Variants in LARP4B observed in about 807,000 individuals in gnomAD.
LARP4B encodes la-related protein 4B.
A neutral mutation model predicts 89.8 loss-of-function variants in LARP4B; 12 were observed. The observed-to-expected ratio is 0.13, with a 90% CI of 0.09 to 0.22. The LOEUF (loss-of-function observed/expected upper bound fraction) is 0.22, where lower values mean the gene tolerates loss of function less well. Among genes scored for constraint, LARP4B ranks in the 10% least tolerant of loss-of-function variants. The pLI is 1.00. For missense variants in LARP4B, 757 were observed against 947.7 expected, an observed-to-expected ratio of 0.80 and a Z score of 2.64; for synonymous variants, 367 against 363.3, an observed-to-expected ratio of 1.01 and a Z score of -0.12.
At chr10:972,331 C>G in the LARP4B span, 7 of 381,078 alleles carry the variant, frequency 1.8e-5, no homozygotes, top group South Asian at 1.2e-4. Flanking sequence ...CCCAGCCTCT[C>G]TCTGTCTCTT....
chr10:833,722 TCTA>T (rs1442155638), intron 8 of LARP4B, among the ~76,000 whole-genome samples: 3 of 152,074 alleles, frequency 2.0e-5, no homozygotes, highest in African/African-American at 7.2e-5. Flanking sequence ...AAACTCTGTC[TCTA>T]CTAAAAGTAC....
chr10:946,824 A>G, the LARP4B span, among the ~76,000 whole-genome samples: 1 of 152,164 alleles, frequency 6.6e-6, no homozygotes, highest in Non-Finnish European at 1.5e-5. Flanking sequence ...ACTTAAGTCA[A>G]AGGTGCCTGG....
chr10:929,392 C>T (rs1370177607), intron 1 of LARP4B, among the ~76,000 whole-genome samples: 2 of 152,136 alleles, frequency 1.3e-5, no homozygotes, highest in East Asian at 1.9e-4. Flanking sequence ...GCCAGGAGTT[C>T]GAGACCAGCC....
chr10:899,493 T>C (rs1363084175), intron 1 of LARP4B, among the ~76,000 whole-genome samples: 1 of 152,238 alleles, frequency 6.6e-6, no homozygotes, highest in Non-Finnish European at 1.5e-5. Flanking sequence ...ACAGTGATAC[T>C]GAGAACAGGA....
At chr10:970,205 C>T in the LARP4B span, among the ~76,000 whole-genome samples, 1 of 152,204 alleles carries the variant, frequency 6.6e-6, no homozygotes, top group African/African-American at 2.4e-5. Context: ...ATTTATACAG[C>T]TCAAGGACAG....
intron 14 of LARP4B, 117 bp from the exon 15 acceptor site, chr10:818,006 A>G (rs533294585): frequency 9.9e-7 from 1 of 1,015,228 alleles, no homozygotes; most frequent in Non-Finnish European, 1.4e-6. Context: ...CAACCCAGAC[A>G]AGGGCTTCCT....
At chr10:888,771 A>T (rs1029692949) in intron 1 of LARP4B, among the ~76,000 whole-genome samples, 3 of 152,226 alleles carry the variant, frequency 2.0e-5, no homozygotes, top group Non-Finnish European at 4.4e-5. Flanking sequence ...TCAAGGAATA[A>T]ATGTTTGCAA....
At chr10:892,394 T>C (rs1836055718) in intron 1 of LARP4B, among the ~76,000 whole-genome samples, 1 of 152,230 alleles carries the variant, frequency 6.6e-6, no homozygotes, top group Admixed American at 6.5e-5. Flanking sequence ...AAATTTCTTT[T>C]CATGTACACC....
chr10:974,253 T>C, the LARP4B span, among the ~76,000 whole-genome samples: 1 of 150,932 alleles, frequency 6.6e-6, no homozygotes, highest in African/African-American at 2.4e-5. Context: ...AGGTGCTTTG[T>C]CTACATGGCT....
At chr10:908,574 AC>A (rs1836564110) in intron 1 of LARP4B, among the ~76,000 whole-genome samples, 3 of 152,146 alleles carry the variant, frequency 2.0e-5, no homozygotes, top group Non-Finnish European at 4.4e-5. Context: ...GAGTGTTGAG[AC>A]TGAAGGGGAG....
In LARP4B at chr10:895,899, C is replaced by T. The variant is rs564731871; in HGVS notation, c.-39-10139G>A. Among the ~76,000 whole-genome samples, 5 of 152,284 alleles carry T rather than the reference C, an allele frequency of 3.3e-5. No homozygotes were observed. In the East Asian group the frequency reaches 9.6e-4, roughly 29 times the overall value. Reference sequence around the variant, plus strand: ...TGTGATTAACTTATTGACTTCATCTCCCAGAGTCTCAGTTTTTTAAATAAC... The same window carrying T: ...TGTGATTAACTTATTGACTTCATCTTCCAGAGTCTCAGTTTTTTAAATAAC... On this transcript the variant is annotated intron_variant, in intron 1 of 17. Transcript: ENST00000316157.
At chr10:946,026 C>T in the LARP4B span, among the ~76,000 whole-genome samples, 6,657 of 152,246 alleles carry the variant, frequency 0.044, 175 homozygotes, top group Admixed American at 0.08. Context: ...TGTTTTGTTA[C>T]GGCCAGCGGA....
At chr10:807,602 A>G (rs1831602398), downstream of LARP4B, 2 of 152,352 alleles carry the variant, frequency 1.3e-5, no homozygotes, top group African/African-American at 2.4e-5. Flanking sequence ...AGGGAGGCCC[A>G]GCCTGTATCA....
intron 11 of LARP4B, among the ~76,000 whole-genome samples, chr10:827,829 A>G (rs1488365961): frequency 1.3e-5 from 2 of 152,238 alleles, no homozygotes; most frequent in African/African-American, 2.4e-5. Context: ...CTCTCATGAT[A>G]TGCTTTTGGG....
chr10:843,841 A>C (rs186499773), intron 6 of LARP4B, among the ~76,000 whole-genome samples: 1 of 152,358 alleles, frequency 6.6e-6, no homozygotes, highest in African/African-American at 2.4e-5. Flanking sequence ...GCCTATATCC[A>C]GCCCTGGCTT....
chr10:849,169 G>C (rs1007244647), intron 5 of LARP4B, among the ~76,000 whole-genome samples: 3 of 151,748 alleles, frequency 2.0e-5, no homozygotes, highest in Admixed American at 2.0e-4. Context: ...AAGGAAAACA[G>C]AAAAAAAGGG....
At chr10:930,282 C>T (rs1483539885) in intron 1 of LARP4B, among the ~76,000 whole-genome samples, 3 of 151,702 alleles carry the variant, frequency 2.0e-5, no homozygotes, top group African/African-American at 7.3e-5. Flanking sequence ...CTTGGAGTTG[C>T]TCTCATCTCT....
the LARP4B span, among the ~76,000 whole-genome samples, chr10:943,812 G>A: frequency 2.0e-5 from 3 of 152,000 alleles, no homozygotes; most frequent in Admixed American, 6.5e-5. Context: ...CGGCATTTCC[G>A]GGGTAATTGT....
rs149659916 is a variant in LARP4B, at chr10:875,208, A to C, written c.141+9239T>G. 3.1e-3 allele frequency among the ~76,000 whole-genome samples: 468 copies of C among 152,338 alleles called. 2 individuals carry two copies. Among genetic ancestry groups the C allele is most frequent in the African/African-American group, 0.01 (430 of 41,588 alleles). On this transcript the variant is annotated intron_variant, in intron 3 of 17. Transcript: ENST00000316157. ...TCACGAGATCACCTGCCTGGCTTTG[A>C]GTCTCAGCTCCATTTTTACATGTGT... is the stretch of plus-strand genomic sequence containing the variant.
Sources: gnomAD v4.1 joint callset for allele counts (sites outside exome capture counted in the v4.1 genomes callset) on GRCh38, gnomAD v4.1.1 for gene constraint, MANE v1.5 for transcripts, NCBI Gene and HGNC (gene_info 2026-07-23, HGNC 2026-07-21) for gene names.